LRFN2: variants seen among roughly 807,000 people sequenced by gnomAD.
LRFN2 encodes leucine-rich repeat and fibronectin type-III domain-containing protein 2.
Under a neutral mutation model 37.3 loss-of-function variants are expected in LRFN2, and 18 were observed. The observed-to-expected ratio is 0.48, with a 90% CI of 0.33 to 0.72. The LOEUF (loss-of-function observed/expected upper bound fraction) is 0.72, where lower values mean the gene tolerates loss of function less well. LRFN2 is among the 30% of genes least tolerant of loss of function. The pLI is 0.02. For missense variants in LRFN2, 1,006 were observed against 1,060.7 expected, an observed-to-expected ratio of 0.95 and a Z score of 0.72; for synonymous variants, 556 against 466.6, an observed-to-expected ratio of 1.19 and a Z score of -2.47.
intron 1 of LRFN2, among the ~76,000 whole-genome samples, chr6:40,472,532 TG>T (rs1484486576): frequency 1.3e-5 from 2 of 152,166 alleles, no homozygotes; most frequent in Non-Finnish European, 2.9e-5. Flanking sequence ...CAAATGACCT[TG>T]GGGGGCCTGT....
intron 1 of LRFN2, among the ~76,000 whole-genome samples, chr6:40,521,663 G>A (rs1324400728): frequency 3.9e-5 from 6 of 152,146 alleles, no homozygotes; most frequent in African/African-American, 7.2e-5. Context: ...GGAGGAGGCA[G>A]GGAGGTGTCC....
At chr6:40,469,204 C>T (rs1764540915) in intron 1 of LRFN2, among the ~76,000 whole-genome samples, 1 of 152,072 alleles carries the variant, frequency 6.6e-6, no homozygotes, top group African/African-American at 2.4e-5. Context: ...AAGGAACACC[C>T]GGAGTCATCA....
chr6:40,522,880 T>C (rs1055764539), intron 1 of LRFN2, among the ~76,000 whole-genome samples: 3 of 152,208 alleles, frequency 2.0e-5, no homozygotes, highest in African/African-American at 7.2e-5. Flanking sequence ...CTCTGTATGA[T>C]GGGCAGAAAC....
chr6:40,577,813 AT>A (rs754878016), intron 1 of LRFN2, among the ~76,000 whole-genome samples: 1 of 143,142 alleles, frequency 7.0e-6, no homozygotes, highest in Non-Finnish European at 1.5e-5. Context: ...ATAAATAAAA[AT>A]TAAAAAAAAT....
At chr6:40,395,590 T>A (rs9369199) in intron 2 of LRFN2, among the ~76,000 whole-genome samples, 130,907 of 152,180 alleles carry the variant, frequency 0.86, 56,541 homozygotes, top group Middle Eastern at 0.94. Context: ...TAAGTTGAGA[T>A]GGCAGGAGCT....
At chr6:40,423,550 G>A (rs546650297) in intron 2 of LRFN2, among the ~76,000 whole-genome samples, 2 of 152,320 alleles carry the variant, frequency 1.3e-5, no homozygotes, top group South Asian at 4.1e-4. Context: ...GAGCAATAAA[G>A]TGATTTTCCC....
At chr6:40,439,449 C>A (rs1274555387) in intron 1 of LRFN2, among the ~76,000 whole-genome samples, 1 of 152,212 alleles carries the variant, frequency 6.6e-6, no homozygotes, top group Non-Finnish European at 1.5e-5. Context: ...GGGACCAGCT[C>A]TGGAGAAAGG....
intron 2 of LRFN2, among the ~76,000 whole-genome samples, chr6:40,406,145 T>A (rs1762841253): frequency 6.6e-6 from 1 of 152,192 alleles, no homozygotes; most frequent in African/African-American, 2.4e-5. Flanking sequence ...CAGTGTGACC[T>A]TGGGCAAGCC....
At chr6:40,393,786 C>T (rs1349930535) in intron 2 of LRFN2, among the ~76,000 whole-genome samples, 1 of 152,192 alleles carries the variant, frequency 6.6e-6, no homozygotes, top group Non-Finnish European at 1.5e-5. Context: ...GGACCAGGTG[C>T]TGTGCTGTGT....
intron 1 of LRFN2, among the ~76,000 whole-genome samples, chr6:40,468,257 ACTGGGAGGTC>A (rs2113854983): frequency 1.3e-5 from 2 of 152,208 alleles, no homozygotes; most frequent in South Asian, 4.2e-4. Flanking sequence ...ACCCACAAGC[ACTGGGAGGTC>A]CCGGTAATGC....
At chr6:40,438,167 G>T (rs1363905866) in intron 1 of LRFN2, among the ~76,000 whole-genome samples, 1 of 152,198 alleles carries the variant, frequency 6.6e-6, no homozygotes, top group African/African-American at 2.4e-5. Flanking sequence ...GCAAAGAGAG[G>T]TAGATACAGG....
At chr6:40,572,652 C>A (rs1460830158) in intron 1 of LRFN2, among the ~76,000 whole-genome samples, 1 of 152,184 alleles carries the variant, frequency 6.6e-6, no homozygotes. Flanking sequence ...GACTCTTGTC[C>A]CTGTCCTTTC....
intron 1 of LRFN2, among the ~76,000 whole-genome samples, chr6:40,568,807 C>T (rs1455705565): frequency 6.6e-6 from 1 of 151,836 alleles, no homozygotes; most frequent in Non-Finnish European, 1.5e-5. Context: ...CTGTAACCTC[C>T]GCCTCCTGGG....
intron 1 of LRFN2, among the ~76,000 whole-genome samples, chr6:40,534,042 G>T (rs1378855980): frequency 2.0e-5 from 3 of 152,336 alleles, no homozygotes; most frequent in East Asian, 3.9e-4. Flanking sequence ...CTTTCTACAT[G>T]AGAAAACTTA....
At chr6:40,543,855 G>C (rs1337060771) in intron 1 of LRFN2, among the ~76,000 whole-genome samples, 2 of 152,228 alleles carry the variant, frequency 1.3e-5, no homozygotes, top group Non-Finnish European at 2.9e-5. Flanking sequence ...CCTGTTGAGA[G>C]TGTCTTGCCC....
intron 1 of LRFN2, among the ~76,000 whole-genome samples, chr6:40,568,127 A>G (rs1767122346): frequency 6.6e-6 from 1 of 152,128 alleles, no homozygotes; most frequent in Non-Finnish European, 1.5e-5. Context: ...ACAGCAATCT[A>G]CTGACTGTCT....
chr6:40,510,147 T>G (rs1765663275), intron 1 of LRFN2, among the ~76,000 whole-genome samples: 1 of 149,082 alleles, frequency 6.7e-6, no homozygotes, highest in Non-Finnish European at 1.5e-5. Context: ...GGGAACACTG[T>G]GCTGCACAGG....
At chr6:40,528,560 C>T (rs1766294867) in intron 1 of LRFN2, among the ~76,000 whole-genome samples, 1 of 152,170 alleles carries the variant, frequency 6.6e-6, no homozygotes, top group South Asian at 2.1e-4. Context: ...TCGGCTCCTT[C>T]CATAGGCTAA....
chr6:40,391,874 C>T lies in LRFN2; in HGVS notation c.*69G>A. ...AACATCACCATGGAAACTCCACAAA[C>T]ACTTGCCAGTGAGATTCTTTCCCCT... On this transcript the variant is annotated 3_prime_UTR_variant, in exon 3 of 3. Transcript: ENST00000338305. 8 of 1,448,508 alleles carry T rather than the reference C, an allele frequency of 5.5e-6. No homozygotes were observed. Among genetic ancestry groups the T allele is most frequent in the Non-Finnish European group, 6.4e-6 (7 of 1,087,462 alleles). The allele number at this position is 1,448,508 out of a possible 1,614,324, so 89.7% of individuals were successfully genotyped here.
Sources: gnomAD v4.1 joint callset for allele counts (sites outside exome capture counted in the v4.1 genomes callset) on GRCh38, gnomAD v4.1.1 for gene constraint, MANE v1.5 for transcripts, NCBI Gene and HGNC (gene_info 2026-07-23, HGNC 2026-07-21) for gene names.